The following ZNF804B variants were observed in gnomAD, a reference collection of about 807,000 sequenced individuals.
ZNF804B encodes zinc finger 804B.
ZNF804B carries 80 observed loss-of-function variants against 101.4 expected under a neutral mutation model. That is an observed-to-expected ratio of 0.79 (90% confidence interval 0.66 to 0.95). The LOEUF (loss-of-function observed/expected upper bound fraction) is 0.95, where lower values mean the gene tolerates loss of function less well. Ranked by LOEUF, ZNF804B falls within the 40% of genes least tolerant of loss-of-function variation. The pLI, the probability that ZNF804B is intolerant of heterozygous loss-of-function variation, is 0.00. For missense variants in ZNF804B, 1,673 were observed against 1,561.9 expected (o/e 1.07, Z -1.20); for synonymous variants, 622 against 558.8 (o/e 1.11, Z -1.59).
rs183713834 is a variant in ZNF804B, at chr7:89,235,784, A to G, written c.249+17489A>G. Among the ~76,000 whole-genome samples, 572 of 152,114 alleles carry G rather than the reference A, an allele frequency of 3.8e-3. 3 individuals are homozygous for G. The highest frequency in any genetic ancestry group is 0.013 in the African/African-American group (550 of 41,526). On this transcript the variant is annotated intron_variant, in intron 2 of 3. Coordinates refer to ENST00000333190, the MANE Select transcript of ZNF804B (RefSeq NM_181646.5). Reference sequence around the variant, plus strand: ...ATTTTTTTTTTTTCTGAGGAATGTAACAATTGACTAAACTGAAATGAAATA... The same window carrying G: ...ATTTTTTTTTTTTCTGAGGAATGTAGCAATTGACTAAACTGAAATGAAATA...
chr7:89,178,246 G>A (rs894864399), intron 1 of ZNF804B, among the ~76,000 whole-genome samples: 1 of 150,756 alleles, frequency 6.6e-6, no homozygotes, highest in Admixed American at 6.6e-5. Flanking sequence ...TTTTGATTGG[G>A]TAGTTTCATC....
intron 1 of ZNF804B, among the ~76,000 whole-genome samples, chr7:88,812,949 CAAAA>C (rs1054434393): frequency 8.5e-5 from 11 of 129,730 alleles, no homozygotes; most frequent in Non-Finnish European, 8.3e-5. Flanking sequence ...TTCTATTTTG[CAAAA>C]AAAAAAAAGT....
chr7:88,995,944 A>T (rs1033351355), intron 1 of ZNF804B, among the ~76,000 whole-genome samples: 1 of 152,054 alleles, frequency 6.6e-6, no homozygotes, highest in African/African-American at 2.4e-5. Flanking sequence ...CAATACTCAA[A>T]GCTGTGAAGG....
intron 2 of ZNF804B, among the ~76,000 whole-genome samples, chr7:89,237,438 C>T (rs545708118): frequency 6.6e-6 from 1 of 152,240 alleles, no homozygotes; most frequent in East Asian, 1.9e-4. Context: ...ATAGATCTGT[C>T]CCATCCACTT....
At chr7:89,215,929 A>G (rs1176800393) in intron 1 of ZNF804B, among the ~76,000 whole-genome samples, 2 of 150,576 alleles carry the variant, frequency 1.3e-5, no homozygotes, top group African/African-American at 4.9e-5. Context: ...ATAAATAAAT[A>G]AGAACTATGA....
At chr7:88,854,527 T>TTTCCTTCCTTCCCTTCC (rs1791520397) in intron 1 of ZNF804B, among the ~76,000 whole-genome samples, 1 of 40,078 alleles carries the variant, frequency 2.5e-5, no homozygotes, top group African/African-American at 1.0e-4. Context: ...CTTTCCTTCC[T>TTTCCTTCCTTCCCTTCC]TTCCTTCCTT....
chr7:89,300,168 TCTTC>T (rs960030927), intron 2 of ZNF804B, among the ~76,000 whole-genome samples: 13 of 151,706 alleles, frequency 8.6e-5, no homozygotes, highest in Non-Finnish European at 1.5e-4. Context: ...CATTCCATTG[TCTTC>T]CTTCTCATAC....
At chr7:88,924,390 T>A (rs183900534) in intron 1 of ZNF804B, among the ~76,000 whole-genome samples, 6 of 152,268 alleles carry the variant, frequency 3.9e-5, no homozygotes, top group Admixed American at 3.3e-4. Context: ...GATTTTCCTG[T>A]TCTTATACTT....
chr7:89,227,841 G>C (rs13244710), intron 2 of ZNF804B, among the ~76,000 whole-genome samples: 1 of 152,074 alleles, frequency 6.6e-6, no homozygotes, highest in African/African-American at 2.4e-5. Context: ...CAGTTATTGT[G>C]CAGGGCATTC....
intron 1 of ZNF804B, among the ~76,000 whole-genome samples, chr7:88,879,779 C>T (rs1792005766): frequency 6.6e-6 from 1 of 152,126 alleles, no homozygotes; most frequent in Admixed American, 6.5e-5. Flanking sequence ...TGGCTCATGC[C>T]TGTCATGCCA....
chr7:89,178,271 G>T (rs994519840), intron 1 of ZNF804B, among the ~76,000 whole-genome samples: 9 of 148,706 alleles, frequency 6.1e-5, no homozygotes, highest in African/African-American at 2.2e-4. Flanking sequence ...TACATTTGAG[G>T]TTATTATCGA....
At chr7:89,102,320 A>G (rs993997947) in intron 1 of ZNF804B, among the ~76,000 whole-genome samples, 1 of 151,774 alleles carries the variant, frequency 6.6e-6, no homozygotes, top group Non-Finnish European at 1.5e-5. Context: ...CTTTTTCTTC[A>G]TATCTGTGCC....
At chr7:89,259,589 T>A (rs1197365490) in intron 2 of ZNF804B, among the ~76,000 whole-genome samples, 2 of 152,218 alleles carry the variant, frequency 1.3e-5, no homozygotes, top group South Asian at 4.1e-4. Context: ...CCATGTGTAA[T>A]GAGCCTTAAG....
chr7:89,019,718 A>T (rs549740518), intron 1 of ZNF804B, among the ~76,000 whole-genome samples: 1 of 152,134 alleles, frequency 6.6e-6, no homozygotes, highest in African/African-American at 2.4e-5. Flanking sequence ...CTTATTTATT[A>T]TACAATGTCC....
At chr7:89,257,525 C>A (rs991731430) in intron 2 of ZNF804B, among the ~76,000 whole-genome samples, 2 of 151,876 alleles carry the variant, frequency 1.3e-5, no homozygotes, top group Non-Finnish European at 2.9e-5. Context: ...ATAGTAATGT[C>A]CTTTACATAT....
intron 1 of ZNF804B, among the ~76,000 whole-genome samples, chr7:89,195,990 A>C (rs1186256752): frequency 2.0e-5 from 3 of 152,168 alleles, no homozygotes; most frequent in Non-Finnish European, 4.4e-5. Flanking sequence ...AAAGTAATTT[A>C]TAGATTTGAA....
In ZNF804B at chr7:88,961,946, T is replaced by C. The variant is rs1228282536; in HGVS notation, c.108+201862T>C. 2.6e-5 allele frequency among the ~76,000 whole-genome samples: 4 copies of C among 151,322 alleles called. No homozygotes were observed. In the East Asian group the frequency reaches 5.9e-4, roughly 22 times the overall value. On this transcript the variant is annotated intron_variant, in intron 1 of 3. Transcript: ENST00000333190. ...AATACCAAACAGTAAAGTTTTTAAA[T>C]AGAGGCTCCTTTTACATTTTACATT...
At chr7:88,919,474 CTT>C (rs1174800636) in intron 1 of ZNF804B, among the ~76,000 whole-genome samples, 3 of 152,092 alleles carry the variant, frequency 2.0e-5, no homozygotes, top group African/African-American at 7.2e-5. Context: ...AAGCAAGACA[CTT>C]TAACATCCAT....
intron 1 of ZNF804B, among the ~76,000 whole-genome samples, chr7:88,993,955 T>C (rs1288119367): frequency 6.6e-6 from 1 of 152,026 alleles, no homozygotes; most frequent in Admixed American, 6.6e-5. Flanking sequence ...CTAGACTTTC[T>C]AAGCAGGTTT....
Sources: allele counts gnomAD v4.1 joint callset (sites outside exome capture counted in the v4.1 genomes callset), GRCh38; gene constraint gnomAD v4.1.1; transcripts MANE v1.5; gene names NCBI Gene and HGNC (gene_info 2026-07-23, HGNC 2026-07-21).